POFUT1: variants seen among roughly 807,000 people sequenced by gnomAD.
The protein encoded by POFUT1 is protein O-fucosyltransferase 1, also known as GDP-fucose protein O-fucosyltransferase 1.
A neutral mutation model predicts 42.4 loss-of-function variants in POFUT1; 16 were observed. That is an observed-to-expected ratio of 0.38 (90% CI 0.26 to 0.57). POFUT1 has a LOEUF of 0.57. Among genes scored for constraint, POFUT1 ranks in the 20% least tolerant of loss-of-function variants. POFUT1 has a pLI of 0.71. For synonymous variants in POFUT1, 206 were observed against 205.4 expected (o/e 1.00, Z -0.03); for missense variants, 470 against 504.6 (o/e 0.93, Z 0.66).
At chr20:32,224,020 T>C (rs1486339094) in intron 4 of POFUT1, among the ~76,000 whole-genome samples, 1 of 152,176 alleles carries the variant, frequency 6.6e-6, no homozygotes, top group Non-Finnish European at 1.5e-5. Context: ...AATGACTTAA[T>C]ATACACAAAC....
At chr20:32,229,041 A>G (rs1196901016) in intron 5 of POFUT1, among the ~76,000 whole-genome samples, 2 of 152,214 alleles carry the variant, frequency 1.3e-5, no homozygotes, top group African/African-American at 2.4e-5. Context: ...CTCATAGCCA[A>G]TTGATGAGGT....
chr20:32,233,437 A>T (rs2047452979), intron 6 of POFUT1, among the ~76,000 whole-genome samples: 1 of 152,126 alleles, frequency 6.6e-6, no homozygotes, highest in Non-Finnish European at 1.5e-5. Flanking sequence ...TGGGGGTGGG[A>T]TAAGAAGAGG....
intron 2 of POFUT1, among the ~76,000 whole-genome samples, chr20:32,213,155 G>A (rs1218642988): frequency 6.6e-6 from 1 of 152,036 alleles, no homozygotes; most frequent in Non-Finnish European, 1.5e-5. Flanking sequence ...CAAAGTACTG[G>A]GATTATAGGT....
chr20:32,223,490 G>C (rs1169894682), intron 4 of POFUT1: 1 of 985,318 alleles, frequency 1.0e-6, no homozygotes, highest in Non-Finnish European at 1.2e-6. Flanking sequence ...TGCTTTCCAA[G>C]AGGTCGGGGG....
chr20:32,209,010 T>G (rs1282152182), intron 1 of POFUT1, among the ~76,000 whole-genome samples: 2 of 152,206 alleles, frequency 1.3e-5, no homozygotes, highest in East Asian at 3.8e-4. Context: ...TGGATGATCT[T>G]AAGGCCCCCA....
chr20:32,238,062 C>A lies in POFUT1; in HGVS notation c.*3401C>A, dbSNP rs567065958. ...TAAATGCTCTTAATTATAAAAAATTCTGTCGAGGAGTGTTCCATAGTTTAT... is the reference window on the plus strand; with the variant it reads ...TAAATGCTCTTAATTATAAAAAATTATGTCGAGGAGTGTTCCATAGTTTAT... On this transcript the variant is annotated 3_prime_UTR_variant, in exon 7 of 7. Transcript: ENST00000375749. 3.9e-5 allele frequency: 13 copies of A among 336,202 alleles called. No homozygotes were observed. Among genetic ancestry groups the A allele is most frequent in the African/African-American group, 2.1e-4 (10 of 46,548 alleles). 20.8% of individuals were successfully genotyped at this position (336,202 alleles called of 1,614,324 possible).
At chr20:32,208,192 G>A (rs2047304180) in intron 1 of POFUT1, 127 bp downstream of exon 1, 7 of 957,754 alleles carry the variant, frequency 7.3e-6, no homozygotes, top group African/African-American at 1.7e-5. Flanking sequence ...GACGGGGCAT[G>A]CTCTTCTCCT....
At position 32,231,024 on chromosome 20, in the gene POFUT1, G is replaced by A; in HGVS notation, c.941G>A (p.Ser314Asn). The A allele has an allele frequency of 6.2e-7, 1 of 1,614,254 alleles. No individual in the cohort carries two copies. The highest frequency in any genetic ancestry group is 8.5e-7 in the Non-Finnish European group (1 of 1,180,046). ...QSVYVATDSE[S>N]YVPELQQLFK... ...GTCTACGTTGCTACTGATTCCGAGA[G>A]TTATGTGCCTGAGCTCCAACAGCTC... The change falls in exon 6 of 7, where the codon AGT (serine) becomes AAT (asparagine). Residue 314 changes from serine to asparagine, a missense_variant. Ser to Asn is a conservative substitution (Grantham distance 46, BLOSUM62 1). Transcript: ENST00000375749.
At position 32,237,744 on chromosome 20, in the gene POFUT1, A is replaced by G. The variant is rs375957703; in HGVS notation, c.*3083A>G. The G allele has an allele frequency of 8.3e-5, 44 of 533,328 alleles. No individual in the cohort carries two copies. The Middle Eastern group carries it at 1.9e-3, about 23-fold the overall frequency. 33.0% of individuals were successfully genotyped at this position (533,328 alleles called of 1,614,324 possible). Reference sequence around the variant, plus strand: ...CAGTGCTGAGGAGGTTGGAGAGAGAAAGGGTGAAAGCAGAGAGACCAGTGC... The same window carrying G: ...CAGTGCTGAGGAGGTTGGAGAGAGAGAGGGTGAAAGCAGAGAGACCAGTGC... On this transcript the variant is annotated 3_prime_UTR_variant, in exon 7 of 7. Transcript: ENST00000375749.
chr20:32,210,974 G>A (rs1280691631), intron 2 of POFUT1, among the ~76,000 whole-genome samples: 1 of 152,172 alleles, frequency 6.6e-6, no homozygotes, highest in Non-Finnish European at 1.5e-5. Context: ...ATTTACAGAG[G>A]TTTTGAGCAG....
At chr20:32,225,777 C>A (rs2047411825) in intron 4 of POFUT1, among the ~76,000 whole-genome samples, 1 of 151,958 alleles carries the variant, frequency 6.6e-6, no homozygotes, top group African/African-American at 2.4e-5. Flanking sequence ...GAAGTGGCCA[C>A]CACACCCAAC....
chr20:32,221,219 A>G (rs2047389579), intron 4 of POFUT1, among the ~76,000 whole-genome samples: 2 of 152,120 alleles, frequency 1.3e-5, no homozygotes, highest in African/African-American at 2.4e-5. Context: ...AACATTAAAC[A>G]TTTCTTAAGA....
At chr20:32,208,177 A>G in intron 1 of POFUT1, 112 bp downstream of exon 1, 1 of 1,125,944 alleles carries the variant, frequency 8.9e-7, no homozygotes, top group Non-Finnish European at 1.3e-6. Context: ...AGAACCTCAG[A>G]GCGGGACGGG....
chr20:32,208,191 T>G, intron 1 of POFUT1, 126 bp downstream of exon 1: 1 of 971,686 alleles, frequency 1.0e-6, no homozygotes, highest in East Asian at 2.9e-5. Context: ...GGACGGGGCA[T>G]GCTCTTCTCC....
chr20:32,216,889 C>A, intron 4 of POFUT1, 168 bp downstream of exon 4: 4 of 1,531,412 alleles, frequency 2.6e-6, no homozygotes, highest in Non-Finnish European at 2.6e-6. Context: ...TTCCCATGTC[C>A]ACGCCTGACA....
rs148486019 is a variant in POFUT1, at chr20:32,212,226, A to T, written c.246+2034A>T. ...TCTTCTCCGTGTACCTCCCAAATTT[A>T]TCTGTGGCCCAGACTCAGACTCCTC... On this transcript the variant is annotated intron_variant, in intron 2 of 6. Transcript: ENST00000375749. Among the ~76,000 whole-genome samples the T allele has an allele frequency of 1.7e-3, 263 of 151,242 alleles. 1 individual carries two copies. The highest frequency in any genetic ancestry group is 6.2e-3 in the African/African-American group (255 of 41,248).
At chr20:32,223,547 C>T in intron 4 of POFUT1, 2 of 983,042 alleles carry the variant, frequency 2.0e-6, no homozygotes, top group Non-Finnish European at 2.4e-6. Context: ...ATTCCAGCCC[C>T]ACTGGGAGAT....
At chr20:32,208,803 G>A (rs969780807) in intron 1 of POFUT1, among the ~76,000 whole-genome samples, 1 of 152,128 alleles carries the variant, frequency 6.6e-6, no homozygotes, top group East Asian at 1.9e-4. Flanking sequence ...CCACCGCACT[G>A]CCAGCCTGGG....
intron 3 of POFUT1, among the ~76,000 whole-genome samples, chr20:32,215,970 T>C (rs748235470): frequency 5.9e-5 from 9 of 152,180 alleles, no homozygotes; most frequent in Non-Finnish European, 1.3e-4. Flanking sequence ...GATTCAACCT[T>C]AGGTAATTTG....
Sources: allele counts gnomAD v4.1 joint callset (sites outside exome capture counted in the v4.1 genomes callset), GRCh38; gene constraint gnomAD v4.1.1; transcripts MANE v1.5; gene names NCBI Gene and HGNC (gene_info 2026-07-23, HGNC 2026-07-21).